The following TSPAN9 variants were observed in gnomAD, a reference collection of about 807,000 sequenced individuals.
The protein encoded by TSPAN9 is tetraspanin-9.
TSPAN9 carries 16 observed loss-of-function variants against 31.0 expected under a neutral mutation model. The ratio of observed to expected loss-of-function variants is 0.52; its 90% CI spans 0.35 to 0.78. TSPAN9 has a LOEUF of 0.78. TSPAN9 is among the 30% of genes least tolerant of loss of function. TSPAN9 has a pLI of 0.01. For synonymous variants in TSPAN9, 145 were observed against 121.6 expected, an observed-to-expected ratio of 1.19 and a Z score of -1.27; for missense variants, 272 against 312.5, an observed-to-expected ratio of 0.87 and a Z score of 0.98.
chr12:3,155,057 T>C (rs2098341538), intron 2 of TSPAN9, among the ~76,000 whole-genome samples: 1 of 152,202 alleles, frequency 6.6e-6, no homozygotes, highest in Admixed American at 6.5e-5. Context: ...AATTTGAACT[T>C]CTGATTTTTG....
At chr12:3,279,509 A>G (rs1308011464) in intron 5 of TSPAN9, among the ~76,000 whole-genome samples, 1 of 152,256 alleles carries the variant, frequency 6.6e-6, no homozygotes, top group Non-Finnish European at 1.5e-5. Flanking sequence ...ACTGAGGCAC[A>G]GGGAAGCTCT....
At chr12:3,183,917 G>A (rs1435817243) in intron 2 of TSPAN9, among the ~76,000 whole-genome samples, 3 of 152,114 alleles carry the variant, frequency 2.0e-5, no homozygotes, top group Non-Finnish European at 4.4e-5. Context: ...TGATGGTCGC[G>A]TATGTGAAAT....
chr12:3,180,643 A>G (rs1383150696), intron 2 of TSPAN9, among the ~76,000 whole-genome samples: 1 of 152,232 alleles, frequency 6.6e-6, no homozygotes, highest in East Asian at 1.9e-4. Context: ...AATATCTGTT[A>G]TAACTCAGAT....
chr12:3,119,063 C>T (rs186984612), intron 2 of TSPAN9, among the ~76,000 whole-genome samples: 17 of 152,260 alleles, frequency 1.1e-4, no homozygotes, highest in South Asian at 4.2e-4. Flanking sequence ...TTGGGCTGTA[C>T]CCCCGACAGC....
chr12:3,085,017 C>T (rs185421214), intron 2 of TSPAN9, among the ~76,000 whole-genome samples: 5 of 152,232 alleles, frequency 3.3e-5, no homozygotes, highest in South Asian at 2.1e-4. Context: ...TTTGAGGCAC[C>T]GCGTATCACT....
At chr12:3,176,978 C>T (rs759883019) in intron 2 of TSPAN9, among the ~76,000 whole-genome samples, 31 of 152,122 alleles carry the variant, frequency 2.0e-4, no homozygotes, top group Non-Finnish European at 4.0e-4. Context: ...CAGGGCAAAA[C>T]GAGGAGTGGC....
At chr12:3,149,084 A>G (rs749423126) in intron 2 of TSPAN9, among the ~76,000 whole-genome samples, 2 of 152,234 alleles carry the variant, frequency 1.3e-5, no homozygotes, top group Non-Finnish European at 2.9e-5. Flanking sequence ...TGTTTTATTG[A>G]AAAGAATAGA....
At chr12:3,094,847 C>CTTTTTTTTT (rs61154605) in intron 2 of TSPAN9, among the ~76,000 whole-genome samples, 1 of 101,936 alleles carries the variant, frequency 9.8e-6, no homozygotes, top group Non-Finnish European at 2.0e-5. Context: ...AATCAATAAT[C>CTTTTTTTTT]TTTTTTTTTT....
chr12:3,200,092 G>C (rs1273452862), intron 2 of TSPAN9: 2 of 152,424 alleles, frequency 1.3e-5, no homozygotes, highest in Non-Finnish European at 2.9e-5. Context: ...AGAGACCAGC[G>C]CTTTCCGTTG....
At chr12:3,203,154 A>T (rs1395100853) in intron 3 of TSPAN9, among the ~76,000 whole-genome samples, 5 of 130,428 alleles carry the variant, frequency 3.8e-5, no homozygotes, top group African/African-American at 5.9e-5. Flanking sequence ...CCCCACCCCC[A>T]CCCTGCCACC....
chr12:3,127,741 GT>G (rs1400363949), intron 2 of TSPAN9, among the ~76,000 whole-genome samples: 1 of 152,158 alleles, frequency 6.6e-6, no homozygotes, highest in African/African-American at 2.4e-5. Flanking sequence ...TAACATAGTT[GT>G]TTATTATTCT....
At chr12:3,100,565 G>A (rs1337924701) in intron 2 of TSPAN9, among the ~76,000 whole-genome samples, 6 of 152,178 alleles carry the variant, frequency 3.9e-5, no homozygotes, top group East Asian at 3.9e-4. Flanking sequence ...AAGTAGTTTC[G>A]TGTGTTCTGT....
In TSPAN9 at chr12:3,141,934, G is replaced by A. The variant is rs144742098; in HGVS notation, c.-18+58215G>A. On this transcript the variant is annotated intron_variant, in intron 2 of 8. Coordinates refer to ENST00000011898, the MANE Select transcript of TSPAN9 (RefSeq NM_006675.5). The stretch of plus-strand genomic sequence containing the variant: ...ACCCCATCCCAAGTTGTCCCTATAA[G>A]TTTCTCCTGTGCCCGGAAGCCGACT... Among the ~76,000 whole-genome samples the A allele has an allele frequency of 2.0e-5, 3 of 152,304 alleles. No individual in the cohort carries two copies. In the East Asian group the frequency reaches 5.8e-4, roughly 29 times the overall value.
At chr12:3,164,788 A>G (rs534669173) in intron 2 of TSPAN9, among the ~76,000 whole-genome samples, 15 of 152,246 alleles carry the variant, frequency 9.9e-5, no homozygotes, top group African/African-American at 3.1e-4. Context: ...GCTGCCACCA[A>G]TGGGCCACAG....
chr12:3,093,406 G>C, intron 2 of TSPAN9, among the ~76,000 whole-genome samples: 1 of 152,138 alleles, frequency 6.6e-6, no homozygotes, highest in East Asian at 1.9e-4. Context: ...GGTAGGGTCT[G>C]GTCTCCAGCT....
At chr12:3,238,924 G>T (rs2098395199) in intron 3 of TSPAN9, among the ~76,000 whole-genome samples, 1 of 152,052 alleles carries the variant, frequency 6.6e-6, no homozygotes, top group Non-Finnish European at 1.5e-5. Context: ...GTTCTCTCTG[G>T]TTTCCCTGAG....
intron 3 of TSPAN9, among the ~76,000 whole-genome samples, chr12:3,202,946 A>T (rs537730004): frequency 3.9e-5 from 6 of 152,334 alleles, no homozygotes; most frequent in Admixed American, 3.3e-4. Context: ...AGCATCTGTC[A>T]GCCAAGTACT....
intron 3 of TSPAN9, among the ~76,000 whole-genome samples, chr12:3,228,961 C>T (rs560807798): frequency 6.6e-6 from 1 of 152,322 alleles, no homozygotes; most frequent in South Asian, 2.1e-4. Context: ...ATCTCCTCCT[C>T]CTCTGTATAC....
intron 2 of TSPAN9, among the ~76,000 whole-genome samples, chr12:3,131,883 GCTT>G (rs2153967025): frequency 6.6e-6 from 1 of 152,158 alleles, no homozygotes; most frequent in Admixed American, 6.5e-5. Context: ...TGCTTCCATG[GCTT>G]CTTCATCACC....
Sources: allele counts gnomAD v4.1 joint callset (sites outside exome capture counted in the v4.1 genomes callset), GRCh38; gene constraint gnomAD v4.1.1; transcripts MANE v1.5; gene names NCBI Gene and HGNC (gene_info 2026-07-23, HGNC 2026-07-21).